Variants in HPS4 observed in about 807,000 individuals in gnomAD.
HPS4 encodes BLOC-3 complex member HPS4.
In HPS4, 44 loss-of-function variants were observed where a neutral mutation model predicts 70.3. That is an observed-to-expected ratio of 0.63 (90% confidence interval 0.49 to 0.80). The LOEUF (loss-of-function observed/expected upper bound fraction) is 0.80, where lower values mean the gene tolerates loss of function less well. Ranked by LOEUF, HPS4 falls within the 30% of genes least tolerant of loss-of-function variation. HPS4 has a pLI of 0.00. For synonymous variants in HPS4, 377 were observed against 355.9 expected, an observed-to-expected ratio of 1.06 and a Z score of -0.67; for missense variants, 873 against 884.4, an observed-to-expected ratio of 0.99 and a Z score of 0.16.
At chr22:26,469,974 C>T (rs112128102) in intron 7 of HPS4, among the ~76,000 whole-genome samples, 3,826 of 152,360 alleles carry the variant, frequency 0.025, 168 homozygotes, top group African/African-American at 0.087. Context: ...CCCAAGGCCG[C>T]ATGGCTGGCG....
downstream of HPS4, among the ~76,000 whole-genome samples, chr22:26,450,575 T>C (rs1397354120): frequency 1.3e-5 from 2 of 152,198 alleles, no homozygotes; most frequent in Admixed American, 6.5e-5. Flanking sequence ...AGGAATCTGA[T>C]TGCCACTTGA....
At chr22:26,472,183 T>C in intron 6 of HPS4, 119 bp downstream of exon 6, 1 of 780,212 alleles carries the variant, frequency 1.3e-6, no homozygotes, top group East Asian at 2.4e-5. Flanking sequence ...GTCATGGCCC[T>C]GCCTGAGAAG....
intron 1 of HPS4, among the ~76,000 whole-genome samples, chr22:26,483,147 A>C (rs1310251446): frequency 6.6e-6 from 1 of 152,056 alleles, no homozygotes; most frequent in Non-Finnish European, 1.5e-5. Flanking sequence ...ACAGGACCAC[A>C]CTCATTGTAT....
rs569023216 is a variant in HPS4 at position 26,473,165 on chromosome 22, T to G, written c.277-226A>C. Among the ~76,000 whole-genome samples the G allele has an allele frequency of 2.6e-5, 4 of 152,352 alleles. No homozygotes were observed. In the South Asian group the frequency reaches 8.3e-4, roughly 32 times the overall value. ...CCAATCTCAAATGTCCTTTTCCTTA[T>G]TGTTCATTTCCCCAGAACTTACAAC... On this transcript the variant is annotated intron_variant, in intron 4 of 13. Coordinates refer to ENST00000398145, the MANE Select transcript of HPS4 (RefSeq NM_022081.6).
chr22:26,468,284 T>C, intron 8 of HPS4: 1 of 511,680 alleles, frequency 2.0e-6, no homozygotes, highest in Non-Finnish European at 3.6e-6. Flanking sequence ...AGACATCAAA[T>C]TCTTATGGGA....
In HPS4 at chr22:26,482,049, T is replaced by C. The variant is rs2091336333; in HGVS notation, c.-287A>G. ...AGCAGAAAAGTCAAATCCATTCCTC[T>C]GGTTTCCTAAGTATCACTGTGGCTG... On this transcript the variant is annotated 5_prime_UTR_variant, in exon 2 of 14. Coordinates refer to ENST00000398145, the MANE Select transcript of HPS4 (RefSeq NM_022081.6). The C allele has an allele frequency of 6.8e-6, 3 of 444,262 alleles. No homozygotes were observed. The highest frequency in any genetic ancestry group is 6.4e-5 in the South Asian group (3 of 46,536). 27.5% of individuals were successfully genotyped at this position (444,262 alleles called of 1,614,324 possible).
intron 2 of HPS4, 63 bp from the exon 3 acceptor site, chr22:26,479,418 C>G (rs2091025846): frequency 1.3e-6 from 2 of 1,591,308 alleles, no homozygotes; most frequent in East Asian, 2.3e-5. Context: ...ATTTAAAACA[C>G]AGCTTCCTGT....
rs2087930753 is a variant in HPS4 at position 26,464,111 on chromosome 22, C to G, written c.1519G>C (p.Glu507Gln). Residue 507 changes from glutamate (E) to glutamine (Q), a missense_variant, in exon 11 of 14, where the codon GAA (glutamate) becomes CAA (glutamine). Transcript: ENST00000398145. ...VCESHAAPGL[E>Q]CSSGSANCQG... is the part of the protein sequence containing the mutation. ...CAGTTTGCTGAGCCTGAACTGCATT[C>G]CAGACCAGGGGCTGCGTGGCTTTCA... The G allele has an allele frequency of 6.2e-7, 1 of 1,614,150 alleles. No individual in the cohort carries two copies.
At position 26,458,433 on chromosome 22, in the gene HPS4, G is replaced by T. The variant is rs370380305; in HGVS notation, c.1846+12C>A. 4.3e-6 allele frequency: 7 copies of T among 1,613,972 alleles called. No individual in the cohort carries two copies. Among genetic ancestry groups the T allele is most frequent in the Non-Finnish European group, 5.1e-6 (6 of 1,179,992 alleles). On this transcript the variant is annotated intron_variant, in intron 12 of 13. Transcript: ENST00000398145. ...CATCCCCGTCGCCCCAGGCCCCTTG[G>T]CTGGTTCTTACCCATCAGCAAGCTC...
downstream of HPS4, among the ~76,000 whole-genome samples, chr22:26,447,346 C>T (rs2084987458): frequency 6.6e-6 from 1 of 152,206 alleles, no homozygotes; most frequent in Admixed American, 6.5e-5. Flanking sequence ...GTCCTGAACG[C>T]AGCTCTGCCG....
downstream of HPS4, among the ~76,000 whole-genome samples, chr22:26,450,206 T>C (rs1324992746): frequency 6.6e-6 from 1 of 152,174 alleles, no homozygotes; most frequent in African/African-American, 2.4e-5. Context: ...TTCTGGGGAT[T>C]GGGACCTGAT....
At chr22:26,444,099 C>CTGAT (rs1358660919), downstream of HPS4, 2 of 152,172 alleles carry the variant, frequency 1.3e-5, no homozygotes, top group African/African-American at 2.4e-5. Context: ...ACCAGGTTGG[C>CTGAT]TGATAGGAGC....
intron 5 of HPS4, among the ~76,000 whole-genome samples, 194 bp downstream of exon 5, chr22:26,472,638 A>T (rs1394625225): frequency 6.6e-6 from 1 of 152,226 alleles, no homozygotes; most frequent in East Asian, 1.9e-4. Flanking sequence ...GATGGGGATA[A>T]ACATTTGGAA....
rs1186820599 is a variant in HPS4 at position 26,452,319 on chromosome 22, T to C, written c.*914A>G. 1.3e-5 allele frequency: 6 copies of C among 456,610 alleles called. No homozygotes were observed. The highest frequency in any genetic ancestry group is 6.2e-5 in the South Asian group (4 of 64,508). 28.3% of individuals were successfully genotyped at this position (456,610 alleles called of 1,614,324 possible). ...ATACTGTCAAAAAAATGTCTGACTA[T>C]AACGTAATAGAACTGAGGTTCTAAG... On this transcript the variant is annotated 3_prime_UTR_variant, in exon 14 of 14. Transcript: ENST00000398145.
chr22:26,479,665 A>G, intron 2 of HPS4: 2 of 1,223,698 alleles, frequency 1.6e-6, no homozygotes, highest in Non-Finnish European at 2.0e-6. Flanking sequence ...AACCTTAACT[A>G]TACAACCACA....
chr22:26,450,291 G>T (rs74838004), downstream of HPS4, among the ~76,000 whole-genome samples: 2,992 of 152,286 alleles, frequency 0.02, 91 homozygotes, highest in African/African-American at 0.067. Context: ...ACCAGAGAAA[G>T]GTCTGCTGCT....
chr22:26,466,543 T>C (rs2088659145), intron 8 of HPS4: 1 of 555,482 alleles, frequency 1.8e-6, no homozygotes, highest in Non-Finnish European at 3.2e-6. Context: ...TCTCAGTCTC[T>C]CTCCCTTCTG....
At chr22:26,479,668 C>T in intron 2 of HPS4, 1 of 1,221,330 alleles carries the variant, frequency 8.2e-7, no homozygotes, top group Non-Finnish European at 1.0e-6. Flanking sequence ...CTTAACTATA[C>T]AACCACATGG....
chr22:26,449,932 A>G (rs754381278), downstream of HPS4, among the ~76,000 whole-genome samples: 2 of 152,240 alleles, frequency 1.3e-5, no homozygotes, highest in Non-Finnish European at 2.9e-5. Context: ...GTCCCTCCGC[A>G]CACTCTAGGG....
Sources: gnomAD v4.1 joint callset for allele counts (sites outside exome capture counted in the v4.1 genomes callset) on GRCh38, gnomAD v4.1.1 for gene constraint, MANE v1.5 for transcripts, NCBI Gene and HGNC (gene_info 2026-07-23, HGNC 2026-07-21) for gene names.